The following GSG1L variants were observed in gnomAD, a reference collection of about 807,000 sequenced individuals.
The protein encoded by GSG1L is GSG1 like, also known as germ cell-specific gene 1-like protein.
GSG1L carries 24 observed loss-of-function variants against 42.1 expected under a neutral mutation model. That is an observed-to-expected ratio of 0.57 (90% CI 0.41 to 0.80). GSG1L has a LOEUF of 0.80. Ranked by LOEUF, GSG1L falls within the 30% of genes least tolerant of loss-of-function variation. The pLI is 0.00. For missense variants in GSG1L, 445 were observed against 472.2 expected (o/e 0.94, Z 0.53); for synonymous variants, 215 against 203.5 (o/e 1.06, Z -0.48).
At chr16:27,792,258 C>A (rs1291149508) in intron 6 of GSG1L, among the ~76,000 whole-genome samples, 1 of 152,170 alleles carries the variant, frequency 6.6e-6, no homozygotes, top group Non-Finnish European at 1.5e-5. Context: ...GTCCCCAAGT[C>A]CTTGCTGGAC....
At chr16:27,894,316 A>T (rs1033692480) in intron 2 of GSG1L, among the ~76,000 whole-genome samples, 2 of 152,242 alleles carry the variant, frequency 1.3e-5, no homozygotes, top group African/African-American at 2.4e-5. Flanking sequence ...CGTTGTTGTT[A>T]TTCCTAAAGG....
chr16:28,029,842 C>G (rs1409512914), intron 1 of GSG1L, among the ~76,000 whole-genome samples: 1 of 152,184 alleles, frequency 6.6e-6, no homozygotes, highest in South Asian at 2.1e-4. Flanking sequence ...ATCAACTACA[C>G]AACACTCTCA....
chr16:27,881,125 T>C (rs116025538), intron 3 of GSG1L, among the ~76,000 whole-genome samples: 2,655 of 152,148 alleles, frequency 0.017, 75 homozygotes, highest in African/African-American at 0.06. Context: ...AAGAAATCAA[T>C]TACATTGAAA....
chr16:27,897,090 C>T (rs890023316), intron 2 of GSG1L, among the ~76,000 whole-genome samples: 1 of 152,190 alleles, frequency 6.6e-6, no homozygotes, highest in Non-Finnish European at 1.5e-5. Context: ...TCTCAAACTC[C>T]TAACCTCAGG....
At chr16:28,024,862 G>C (rs1014866350) in intron 1 of GSG1L, among the ~76,000 whole-genome samples, 1 of 152,162 alleles carries the variant, frequency 6.6e-6, no homozygotes, top group Non-Finnish European at 1.5e-5. Flanking sequence ...GGGCTGCATC[G>C]AGCCCATCCT....
chr16:27,911,685 A>C (rs565025997), intron 2 of GSG1L, among the ~76,000 whole-genome samples: 1 of 151,992 alleles, frequency 6.6e-6, no homozygotes, highest in East Asian at 1.9e-4. Context: ...TCCCCCAACC[A>C]CATGGCATCC....
At chr16:27,864,371 C>T (rs969989398) in intron 3 of GSG1L, among the ~76,000 whole-genome samples, 1 of 152,164 alleles carries the variant, frequency 6.6e-6, no homozygotes, top group African/African-American at 2.4e-5. Context: ...GCTATCAAGG[C>T]AAAACGCACA....
At chr16:28,034,240 AT>A (rs2086005082) in intron 1 of GSG1L, among the ~76,000 whole-genome samples, 2 of 47,636 alleles carry the variant, frequency 4.2e-5, no homozygotes, top group Non-Finnish European at 8.1e-5. Flanking sequence ...ATCCCATCCC[AT>A]CCCATCCCAT....
At chr16:27,957,828 C>G (rs2141102126) in intron 2 of GSG1L, among the ~76,000 whole-genome samples, 1 of 152,220 alleles carries the variant, frequency 6.6e-6, no homozygotes, top group South Asian at 2.1e-4. Context: ...TCTGGTGAGG[C>G]TTCAGGAAGC....
rs1299018502 is a variant in GSG1L at position 27,787,776 on chromosome 16, G to A, written c.*3594C>T. 6.6e-6 allele frequency: 1 copy of A among 152,162 alleles called. No individual in the cohort carries two copies. Among genetic ancestry groups the A allele is most frequent in the Non-Finnish European group, 1.5e-5 (1 of 68,026 alleles). 9.4% of individuals were successfully genotyped at this position (152,162 alleles called of 1,614,324 possible). ...TGCGGTCCACTCGCCAACTTCAGAA[G>A]GACCCTGGGTGAGAACAAGAGCTCC... On this transcript the variant is annotated 3_prime_UTR_variant, in exon 7 of 7. Coordinates refer to ENST00000447459, the MANE Select transcript of GSG1L (RefSeq NM_001109763.2).
intron 3 of GSG1L, among the ~76,000 whole-genome samples, chr16:27,868,781 C>T (rs756113458): frequency 3.7e-4 from 57 of 152,230 alleles, no homozygotes; most frequent in Non-Finnish European, 6.8e-4. Flanking sequence ...CCTGCAGCTG[C>T]CAAGCCCCTC....
At chr16:27,999,564 A>G (rs963720316) in intron 1 of GSG1L, among the ~76,000 whole-genome samples, 3 of 152,236 alleles carry the variant, frequency 2.0e-5, no homozygotes, top group Non-Finnish European at 4.4e-5. Flanking sequence ...GCATAAATAA[A>G]TTAATACTCA....
chr16:27,794,626 C>T (rs1255746780), intron 6 of GSG1L, among the ~76,000 whole-genome samples: 5 of 152,164 alleles, frequency 3.3e-5, no homozygotes, highest in Non-Finnish European at 7.3e-5. Context: ...CCACCGCGCC[C>T]GGCCCAAAAC....
chr16:28,046,093 G>A (rs1052878384), intron 1 of GSG1L, among the ~76,000 whole-genome samples: 1 of 152,136 alleles, frequency 6.6e-6, no homozygotes, highest in East Asian at 1.9e-4. Flanking sequence ...AATCATGTAG[G>A]ATTTCAGGAA....
At chr16:27,891,596 C>T (rs111792741) in intron 2 of GSG1L, among the ~76,000 whole-genome samples, 22 of 152,188 alleles carry the variant, frequency 1.4e-4, no homozygotes, top group African/African-American at 5.3e-4. Context: ...CTTCATCTTC[C>T]CAAGTAGCTG....
chr16:27,927,990 T>G (rs1387112338), intron 2 of GSG1L, among the ~76,000 whole-genome samples: 1 of 152,168 alleles, frequency 6.6e-6, no homozygotes, highest in African/African-American at 2.4e-5. Flanking sequence ...ATTTCCTCAT[T>G]GCTTAAGTCA....
chr16:27,888,401 C>CTTCTTTCT lies in GSG1L; in HGVS notation c.398-3771_398-3764dup, dbSNP rs768689001. 2.4e-3 allele frequency among the ~76,000 whole-genome samples: 293 copies of CTTCTTTCT among 122,550 alleles called. 26 individuals carry two copies. The highest frequency in any genetic ancestry group is 6.2e-3 in the East Asian group (23 of 3,710). 80.4% of individuals were successfully genotyped at this position (122,550 alleles called of 152,430 possible). On this transcript the variant is annotated intron_variant, in intron 2 of 6. Coordinates refer to ENST00000447459, the MANE Select transcript of GSG1L (RefSeq NM_001109763.2). ...GGTTCTTTCTTTCTTTTCTTTTCTCCTTCTTTCTTTCTTTCTTTCTTTCTT... is the reference window on the plus strand; with the variant it reads ...GGTTCTTTCTTTCTTTTCTTTTCTCCTTCTTTCTTTCTTTCTTTCTTTCTTTCTTTCTT...
chr16:27,986,505 CAAAAAA>C (rs59177321), intron 1 of GSG1L, among the ~76,000 whole-genome samples: 1 of 137,926 alleles, frequency 7.3e-6, no homozygotes, highest in Non-Finnish European at 1.6e-5. Flanking sequence ...GACTCCGCCT[CAAAAAA>C]AAAAAAAAAA....
rs562791598 is a variant in GSG1L, at chr16:27,925,149, T to A, written c.397+38007A>T. 3.5e-4 allele frequency among the ~76,000 whole-genome samples: 53 copies of A among 152,338 alleles called. No homozygotes were observed. In the South Asian group the frequency reaches 5.4e-3, roughly 15 times the overall value. ...AGACAGCTCACAGTAATTGTCTTGT[T>A]CCCACTTCACACATTTCTCTTACAT... On this transcript the variant is annotated intron_variant, in intron 2 of 6. Transcript: ENST00000447459.
Sources: gnomAD v4.1 joint callset for allele counts (sites outside exome capture counted in the v4.1 genomes callset) on GRCh38, gnomAD v4.1.1 for gene constraint, MANE v1.5 for transcripts, NCBI Gene and HGNC (gene_info 2026-07-23, HGNC 2026-07-21) for gene names.